The following CFAP20 variants were observed in gnomAD, a reference collection of about 807,000 sequenced individuals.
The protein encoded by CFAP20 is cilia and flagella associated protein 20.
A neutral mutation model predicts 25.5 loss-of-function variants in CFAP20; 14 were observed. The observed-to-expected ratio is 0.55, with a 90% confidence interval of 0.36 to 0.86. CFAP20 has a LOEUF of 0.86. Ranked by LOEUF, CFAP20 falls within the 40% of genes least tolerant of loss-of-function variation. CFAP20 has a pLI of 0.01. For missense variants in CFAP20, 181 were observed against 248.0 expected (o/e 0.73, Z 1.81); for synonymous variants, 75 against 91.1 (o/e 0.82, Z 1.01).
intron 1 of CFAP20, among the ~76,000 whole-genome samples, chr16:58,122,068 C>T (rs987204252): frequency 1.3e-5 from 2 of 152,168 alleles, no homozygotes; most frequent in Non-Finnish European, 2.9e-5. Flanking sequence ...GCTGGGTTCC[C>T]AGACAGAAAT....
At chr16:58,116,838 T>C (rs1205532678) in intron 2 of CFAP20, 34 bp downstream of exon 2, 1 of 1,582,590 alleles carries the variant, frequency 6.3e-7, no homozygotes, top group South Asian at 1.1e-5. Context: ...CCCTAGTATA[T>C]GATGTCTCTG....
At chr16:58,119,126 T>C (rs943891048) in intron 1 of CFAP20, 1 of 152,174 alleles carries the variant, frequency 6.6e-6, no homozygotes, top group Non-Finnish European at 1.5e-5. Context: ...TATGTTTCTG[T>C]TTTTAGACAT....
intron 1 of CFAP20, among the ~76,000 whole-genome samples, chr16:58,124,710 T>C (rs1421060280): frequency 1.3e-5 from 2 of 152,272 alleles, no homozygotes; most frequent in Non-Finnish European, 2.9e-5. Flanking sequence ...GAAGTTGCTC[T>C]GGGTTGAGTC....
chr16:58,124,771 T>G (rs1309445779), intron 1 of CFAP20, among the ~76,000 whole-genome samples: 3 of 152,238 alleles, frequency 2.0e-5, no homozygotes, highest in Non-Finnish European at 4.4e-5. Context: ...ACTGAACACT[T>G]TGTAAACACA....
intron 1 of CFAP20, among the ~76,000 whole-genome samples, chr16:58,126,206 G>A (rs1038214127): frequency 6.6e-6 from 1 of 152,160 alleles, no homozygotes; most frequent in African/African-American, 2.4e-5. Flanking sequence ...CTGCAGTCCA[G>A]TGGACGATCT....
chr16:58,116,252 A>C (rs1175081678), intron 2 of CFAP20, 100 bp from the exon 3 acceptor site: 2 of 812,616 alleles, frequency 2.5e-6, no homozygotes, highest in African/African-American at 3.4e-5. Context: ...ACTGGAAAGC[A>C]GATCTAAAAG....
At chr16:58,119,955 G>A (rs1176790712) in intron 1 of CFAP20, among the ~76,000 whole-genome samples, 3 of 138,586 alleles carry the variant, frequency 2.2e-5, no homozygotes, top group Non-Finnish European at 3.1e-5. Flanking sequence ...CACCTCACTC[G>A]CCATCTACTG....
chr16:58,115,246 T>A (rs538753443), intron 4 of CFAP20, 23 bp downstream of exon 4: 5 of 1,613,844 alleles, frequency 3.1e-6, no homozygotes, highest in Admixed American at 3.3e-5. Flanking sequence ...AACCCAGGGC[T>A]CTATCTGGGA....
At position 58,124,121 on chromosome 16, in the gene CFAP20, G is replaced by A. The variant is rs543287576; in HGVS notation, c.84+4911C>T. Among the ~76,000 whole-genome samples, 15 of 152,310 alleles carry A rather than the reference G, an allele frequency of 9.8e-5. No individual in the cohort carries two copies. In the South Asian group the frequency reaches 2.9e-3, roughly 29 times the overall value. On this transcript the variant is annotated intron_variant, in intron 1 of 5. Transcript: ENST00000262498. ...ACTAAGAGGGGGAACCGGGTGAAGT[G>A]AGTCCCGCCTGGAGAACAAGTGAAG...
At chr16:58,124,508 G>C (rs996496930) in intron 1 of CFAP20, among the ~76,000 whole-genome samples, 2 of 152,142 alleles carry the variant, frequency 1.3e-5, no homozygotes, top group African/African-American at 2.4e-5. Context: ...ACACACCCGG[G>C]CCATATGGTA....
At chr16:58,126,872 C>G (rs1280194457) in intron 1 of CFAP20, among the ~76,000 whole-genome samples, 1 of 152,198 alleles carries the variant, frequency 6.6e-6, no homozygotes, top group Non-Finnish European at 1.5e-5. Flanking sequence ...GGGATACGGC[C>G]CCAAACTTTC....
At chr16:58,124,952 A>G (rs1960592017) in intron 1 of CFAP20, among the ~76,000 whole-genome samples, 1 of 152,218 alleles carries the variant, frequency 6.6e-6, no homozygotes, top group African/African-American at 2.4e-5. Flanking sequence ...TCTTTCATCA[A>G]TAATAAATTA....
chr16:58,116,826 C>T (rs1394944548), intron 2 of CFAP20, 46 bp downstream of exon 2: 2 of 1,548,846 alleles, frequency 1.3e-6, no homozygotes, highest in African/African-American at 1.4e-5. Flanking sequence ...GACGTACTGC[C>T]TCCCTAGTAT....
chr16:58,121,492 C>T (rs909634177), intron 1 of CFAP20, among the ~76,000 whole-genome samples: 4 of 152,100 alleles, frequency 2.6e-5, no homozygotes, highest in Non-Finnish European at 5.9e-5. Flanking sequence ...AAAGTGTGGC[C>T]TATGAGTGCT....
intron 4 of CFAP20, 115 bp downstream of exon 4, chr16:58,115,154 G>T: frequency 7.1e-7 from 1 of 1,411,392 alleles, no homozygotes; most frequent in Non-Finnish European, 1.0e-6. Context: ...TCCCTGGACA[G>T]TGTGGCAACT....
Position 58,129,017 on chromosome 16 carries a change from C to T in CFAP20, c.84+15G>A, listed in dbSNP as rs1960668736. The stretch of plus-strand genomic sequence containing the variant: ...CAGCCCCTCCACCCCGCCCCGTCGC[C>T]GCCCCTAGCCCGACCTTTTTGTCCC... On this transcript the variant is annotated intron_variant, in intron 1 of 5. Coordinates refer to ENST00000262498, the MANE Select transcript of CFAP20 (RefSeq NM_013242.3). 6.2e-7 allele frequency: 1 copy of T among 1,612,384 alleles called. No individual in the cohort carries two copies.
intron 1 of CFAP20, among the ~76,000 whole-genome samples, chr16:58,128,785 A>G (rs964151168): frequency 1.7e-4 from 25 of 150,990 alleles, no homozygotes; most frequent in Non-Finnish European, 8.9e-5. Flanking sequence ...TAACCACACC[A>G]CAGCTGCAGG....
chr16:58,125,482 C>T (rs1434446950), intron 1 of CFAP20, among the ~76,000 whole-genome samples: 1 of 152,116 alleles, frequency 6.6e-6, no homozygotes, highest in Non-Finnish European at 1.5e-5. Context: ...CATAGGAATT[C>T]AAGACCAGCC....
At chr16:58,116,658 T>C in intron 2 of CFAP20, 1 of 540,560 alleles carries the variant, frequency 1.8e-6, no homozygotes, top group Non-Finnish European at 3.3e-6. Context: ...CTCCTCGCAA[T>C]AACCCTATAA....
Sources: gnomAD v4.1 joint callset for allele counts (sites outside exome capture counted in the v4.1 genomes callset) on GRCh38, gnomAD v4.1.1 for gene constraint, MANE v1.5 for transcripts, NCBI Gene and HGNC (gene_info 2026-07-23, HGNC 2026-07-21) for gene names.